The following VAV3 variants were observed in gnomAD, a reference collection of about 807,000 sequenced individuals.
VAV3 encodes vav guanine nucleotide exchange factor 3.
VAV3 carries 94 observed loss-of-function variants against 131.2 expected under a neutral mutation model. The ratio of observed to expected loss-of-function variants is 0.72; its 90% CI spans 0.61 to 0.85. The LOEUF is 0.85. VAV3 is among the 40% of genes least tolerant of loss of function. The pLI is 0.00. For synonymous variants in VAV3, 349 were observed against 342.0 expected (o/e 1.02, Z -0.22); for missense variants, 939 against 1,002.7 (o/e 0.94, Z 0.86).
chr1:107,753,030 A>G (rs1570897239), intron 12 of VAV3, among the ~76,000 whole-genome samples: 1 of 152,342 alleles, frequency 6.6e-6, no homozygotes, highest in East Asian at 1.9e-4. Flanking sequence ...ATTATTCACA[A>G]TAGCTGAAAG....
intron 2 of VAV3, chr1:107,785,402 G>A (rs1017940685): frequency 1.3e-5 from 17 of 1,308,954 alleles, no homozygotes; most frequent in African/African-American, 3.1e-5. Flanking sequence ...AGGAAAGGCC[G>A]GGTTCAGTAA....
chr1:107,936,464 C>T (rs935591311), intron 1 of VAV3, among the ~76,000 whole-genome samples: 2 of 151,990 alleles, frequency 1.3e-5, no homozygotes, highest in East Asian at 1.9e-4. Context: ...TTTGTCTTAC[C>T]GAGTTTTTAA....
At chr1:107,819,442 G>A (rs1007934110) in intron 2 of VAV3, among the ~76,000 whole-genome samples, 12 of 151,624 alleles carry the variant, frequency 7.9e-5, no homozygotes, top group African/African-American at 2.7e-4. Flanking sequence ...GAGGCTGAAG[G>A]TGGGAGAATT....
At chr1:107,954,715 C>T (rs1368204370) in intron 1 of VAV3, among the ~76,000 whole-genome samples, 1 of 150,640 alleles carries the variant, frequency 6.6e-6, no homozygotes, top group Non-Finnish European at 1.5e-5. Flanking sequence ...AGCCATAAGG[C>T]CAATCAGAAC....
chr1:107,882,099 C>T (rs1670808792), intron 1 of VAV3, among the ~76,000 whole-genome samples: 1 of 152,096 alleles, frequency 6.6e-6, no homozygotes, highest in Admixed American at 6.6e-5. Flanking sequence ...GTGGTGTTAA[C>T]TGAGGCAATG....
chr1:107,852,962 T>G (rs1307572369), intron 2 of VAV3, among the ~76,000 whole-genome samples: 1 of 152,164 alleles, frequency 6.6e-6, no homozygotes, highest in East Asian at 1.9e-4. Context: ...AGAAAAGATT[T>G]GCCTATCTAA....
At chr1:107,851,120 C>G (rs769255811) in intron 2 of VAV3, among the ~76,000 whole-genome samples, 2 of 145,140 alleles carry the variant, frequency 1.4e-5, no homozygotes, top group Non-Finnish European at 3.0e-5. Flanking sequence ...TGCAGTGAGC[C>G]GGGATAGCGC....
At chr1:107,736,752 T>A (rs1662663776) in intron 15 of VAV3, among the ~76,000 whole-genome samples, 1 of 151,834 alleles carries the variant, frequency 6.6e-6, no homozygotes, top group African/African-American at 2.4e-5. Flanking sequence ...ATAGGAAGAA[T>A]CAATATCGTA....
chr1:107,755,391 G>T, intron 12 of VAV3, 36 bp downstream of exon 12: 1 of 1,433,902 alleles, frequency 7.0e-7, no homozygotes, highest in Non-Finnish European at 9.8e-7. Flanking sequence ...TTGATGTGGG[G>T]GTGAGGGGAA....
chr1:107,952,201 A>G (rs1224295688), intron 1 of VAV3, among the ~76,000 whole-genome samples: 1 of 151,990 alleles, frequency 6.6e-6, no homozygotes, highest in Non-Finnish European at 1.5e-5. Context: ...TAGCAAACTA[A>G]CGCAGGAACA....
chr1:107,935,971 C>T (rs577344382), intron 1 of VAV3, among the ~76,000 whole-genome samples: 1 of 152,194 alleles, frequency 6.6e-6, no homozygotes, highest in South Asian at 2.1e-4. Flanking sequence ...AAGAATTTTG[C>T]TTTTCAGTGT....
At chr1:107,823,255 T>C (rs1184314529) in intron 2 of VAV3, among the ~76,000 whole-genome samples, 1 of 152,148 alleles carries the variant, frequency 6.6e-6, no homozygotes, top group Admixed American at 6.5e-5. Context: ...TTTTAGAAAC[T>C]GCAGATAATG....
intron 17 of VAV3, among the ~76,000 whole-genome samples, chr1:107,690,200 A>G (rs1659330545): frequency 6.6e-6 from 1 of 152,172 alleles, no homozygotes; most frequent in South Asian, 2.1e-4. Context: ...TTGCAAAGTA[A>G]GTCTTTTACA....
At chr1:107,917,929 A>G (rs1268583606) in intron 1 of VAV3, among the ~76,000 whole-genome samples, 1 of 152,206 alleles carries the variant, frequency 6.6e-6, no homozygotes, top group East Asian at 1.9e-4. Context: ...CTCAACCTGT[A>G]TGAATTAAGG....
intron 1 of VAV3, among the ~76,000 whole-genome samples, chr1:107,958,510 T>A (rs1674923501): frequency 6.6e-6 from 1 of 152,202 alleles, no homozygotes; most frequent in Admixed American, 6.5e-5. Context: ...ACACTAGATG[T>A]TCAAAGGGCA....
chr1:107,647,780 C>T (rs922062890), intron 19 of VAV3, among the ~76,000 whole-genome samples: 4 of 151,986 alleles, frequency 2.6e-5, no homozygotes, highest in African/African-American at 9.7e-5. Context: ...GAGAAAATTA[C>T]AGTGAAATAA....
intron 20 of VAV3, among the ~76,000 whole-genome samples, chr1:107,634,748 T>C (rs911766771): frequency 6.6e-6 from 1 of 150,960 alleles, no homozygotes; most frequent in African/African-American, 2.4e-5. Context: ...ATATCCAGAA[T>C]CTACAATGAA....
At chr1:107,844,602 G>C (rs1365421405) in intron 2 of VAV3, among the ~76,000 whole-genome samples, 1 of 152,148 alleles carries the variant, frequency 6.6e-6, no homozygotes, top group East Asian at 1.9e-4. Flanking sequence ...ACAGCAGTCT[G>C]AAGTCGACCT....
intron 2 of VAV3, among the ~76,000 whole-genome samples, chr1:107,871,991 C>T (rs757683890): frequency 1.4e-4 from 22 of 152,170 alleles, no homozygotes; most frequent in Non-Finnish European, 2.4e-4. Context: ...TAAGTAGATG[C>T]CAAGTAACAC....
Sources: gnomAD v4.1 joint callset for allele counts (sites outside exome capture counted in the v4.1 genomes callset) on GRCh38, gnomAD v4.1.1 for gene constraint, MANE v1.5 for transcripts, NCBI Gene and HGNC (gene_info 2026-07-23, HGNC 2026-07-21) for gene names.